The following KATNA1 variants were observed in gnomAD, a reference collection of about 807,000 sequenced individuals.
KATNA1 encodes the protein katanin p60 ATPase-containing subunit A1.
A neutral mutation model predicts 62.6 loss-of-function variants in KATNA1; 42 were observed. The ratio of observed to expected loss-of-function variants is 0.67; its 90% confidence interval spans 0.52 to 0.87. The LOEUF is 0.87. Among genes scored for constraint, KATNA1 ranks in the 40% least tolerant of loss-of-function variants. The probability of loss-of-function intolerance (pLI) is 0.00; values close to 1 mark genes in which losing one functional copy is unlikely to be tolerated. For synonymous variants in KATNA1, 186 were observed against 201.9 expected (o/e 0.92, Z 0.67); for missense variants, 498 against 612.5 (o/e 0.81, Z 1.97).
chr6:149,633,998 C>T (rs1013039734), intron 2 of KATNA1, among the ~76,000 whole-genome samples: 17 of 151,504 alleles, frequency 1.1e-4, no homozygotes, highest in African/African-American at 2.7e-4. Context: ...ACAGGCCAGG[C>T]GCGGTGGCTC....
chr6:149,603,162 T>G lies in KATNA1; in HGVS notation c.729+106A>C, dbSNP rs538026536. 5.2e-4 allele frequency: 294 copies of G among 562,864 alleles called. 1 individual carries two copies. The highest frequency in any genetic ancestry group is 5.2e-3 in the African/African-American group (270 of 51,938). 34.9% of individuals were successfully genotyped at this position (562,864 alleles called of 1,614,324 possible). On this transcript the variant is annotated intron_variant, in intron 6 of 10. Transcript: ENST00000367411. ...TATACCTTTTAATTTAAACATTTCC[T>G]GACTCCACTTTCTCCCTCCACTTTT... is the stretch of plus-strand genomic sequence containing the variant.
chr6:149,612,782 G>A (rs1157698174), intron 4 of KATNA1, among the ~76,000 whole-genome samples: 6 of 151,846 alleles, frequency 4.0e-5, no homozygotes, highest in Non-Finnish European at 8.8e-5. Context: ...ATTATTCCAG[G>A]GACATAAGAC....
Position 149,594,904 on chromosome 6 carries a change from AATC to A in KATNA1, c.*129_*131del. The A allele has an allele frequency of 1.5e-6, 1 of 662,048 alleles. No homozygotes were observed. Among genetic ancestry groups the A allele is most frequent in the Non-Finnish European group, 2.4e-6 (1 of 414,498 alleles). 41.0% of individuals were successfully genotyped at this position (662,048 alleles called of 1,614,324 possible). A position where few individuals can be genotyped will look rare whatever the true frequency, so the allele number is the denominator to read the frequency against. ...GCTTAAAAATATTGCCTTTATTCAG[AATC>A]ATAAGGGTTTTTTTAAAAAAATCTT... On this transcript the variant is annotated 3_prime_UTR_variant, in exon 11 of 11. Transcript: ENST00000367411.
chr6:149,599,702 G>C (rs1490219290), intron 7 of KATNA1, among the ~76,000 whole-genome samples: 4 of 151,976 alleles, frequency 2.6e-5, no homozygotes, highest in African/African-American at 9.7e-5. Flanking sequence ...ATTTTTAGTA[G>C]AGACGGGGTT....
At chr6:149,647,392 C>A (rs1349623114) in intron 1 of KATNA1, among the ~76,000 whole-genome samples, 1 of 151,562 alleles carries the variant, frequency 6.6e-6, no homozygotes, top group Non-Finnish European at 1.5e-5. Flanking sequence ...CGTAGTGGAG[C>A]GCGCCTGTAG....
At chr6:149,613,607 T>C (rs9377230) in intron 4 of KATNA1, among the ~76,000 whole-genome samples, 69,964 of 151,950 alleles carry the variant, frequency 0.46, 17,411 homozygotes, top group East Asian at 0.82. Flanking sequence ...GAATCTGTAT[T>C]TCCACCTAAA....
chr6:149,629,515 A>G (rs1779753705), intron 3 of KATNA1, among the ~76,000 whole-genome samples: 1 of 152,174 alleles, frequency 6.6e-6, no homozygotes, highest in Admixed American at 6.6e-5. Context: ...TTATTGTGGT[A>G]GCCCAAGCAG....
chr6:149,617,069 T>G (rs373194456), intron 4 of KATNA1, among the ~76,000 whole-genome samples: 8 of 152,356 alleles, frequency 5.3e-5, no homozygotes, highest in East Asian at 3.9e-4. Flanking sequence ...GGGAAAATAC[T>G]GTATGATTCC....
chr6:149,644,815 G>C (rs1016289623), intron 1 of KATNA1, among the ~76,000 whole-genome samples: 1 of 151,980 alleles, frequency 6.6e-6, no homozygotes, highest in East Asian at 1.9e-4. Context: ...CCAATGAATT[G>C]ATATTTTCTA....
At chr6:149,596,310 G>A (rs879830974) in intron 10 of KATNA1, among the ~76,000 whole-genome samples, 3 of 152,132 alleles carry the variant, frequency 2.0e-5, no homozygotes, top group African/African-American at 4.8e-5. Flanking sequence ...TGAGGCAGGC[G>A]GATCACTTGA....
intron 1 of KATNA1, among the ~76,000 whole-genome samples, chr6:149,639,128 T>G (rs769356131): frequency 3.3e-5 from 5 of 151,918 alleles, no homozygotes; most frequent in Admixed American, 6.6e-5. Flanking sequence ...GGCGAAACCC[T>G]GTCTCTACTA....
intron 7 of KATNA1, 48 bp downstream of exon 7, chr6:149,601,546 C>A: frequency 6.7e-7 from 1 of 1,495,828 alleles, no homozygotes; most frequent in South Asian, 1.4e-5. Context: ...CTCACTTTCT[C>A]CCCTTTTAGA....
At chr6:149,617,215 T>C (rs530487156) in intron 4 of KATNA1, among the ~76,000 whole-genome samples, 4 of 152,306 alleles carry the variant, frequency 2.6e-5, no homozygotes, top group African/African-American at 9.6e-5. Flanking sequence ...AAATAAATAA[T>C]GTTCTGTGGA....
intron 2 of KATNA1, among the ~76,000 whole-genome samples, chr6:149,637,863 A>C (rs1322624121): frequency 6.6e-6 from 1 of 152,234 alleles, no homozygotes; most frequent in Non-Finnish European, 1.5e-5. Context: ...AGCAATTAGA[A>C]TTAAGTAGAA....
intron 7 of KATNA1, among the ~76,000 whole-genome samples, chr6:149,599,874 G>A (rs1026253466): frequency 6.6e-6 from 1 of 151,944 alleles, no homozygotes; most frequent in African/African-American, 2.4e-5. Context: ...GAACTCCAGG[G>A]GTTTTATTCA....
intron 4 of KATNA1, among the ~76,000 whole-genome samples, chr6:149,605,810 C>G (rs1250152467): frequency 6.6e-6 from 1 of 151,896 alleles, no homozygotes; most frequent in Non-Finnish European, 1.5e-5. Flanking sequence ...ACTCTGTCGC[C>G]CAGGCTAGAG....
intron 7 of KATNA1, among the ~76,000 whole-genome samples, chr6:149,600,216 AAAAAG>A (rs201209871): frequency 0.034 from 5,160 of 150,020 alleles, 159 homozygotes; most frequent in Middle Eastern, 0.058. Context: ...AAAAAAAAAA[AAAAAG>A]CTGAACACAA....
At chr6:149,614,790 C>T (rs536406033) in intron 4 of KATNA1, among the ~76,000 whole-genome samples, 1 of 152,132 alleles carries the variant, frequency 6.6e-6, no homozygotes, top group East Asian at 1.9e-4. Context: ...ATAAAATATA[C>T]AAATATACAC....
chr6:149,647,634 A>G (rs1279726098), intron 1 of KATNA1, among the ~76,000 whole-genome samples: 1 of 152,132 alleles, frequency 6.6e-6, no homozygotes, highest in East Asian at 1.9e-4. Context: ...AATCTGTCTT[A>G]ACATCTACTA....
Sources: gnomAD v4.1 joint callset for allele counts (sites outside exome capture counted in the v4.1 genomes callset) on GRCh38, gnomAD v4.1.1 for gene constraint, MANE v1.5 for transcripts, NCBI Gene and HGNC (gene_info 2026-07-23, HGNC 2026-07-21) for gene names.